Variants in TRAPPC9 observed in about 807,000 individuals in gnomAD.
The protein encoded by TRAPPC9 is IKK2 binding protein.
A neutral mutation model predicts 124.0 loss-of-function variants in TRAPPC9; 83 were observed. That is an observed-to-expected ratio of 0.67 (90% CI 0.56 to 0.80). The LOEUF is 0.80. Among genes scored for constraint, TRAPPC9 ranks in the 30% least tolerant of loss-of-function variants. TRAPPC9 has a pLI of 0.00. For synonymous variants in TRAPPC9, 638 were observed against 617.5 expected, an observed-to-expected ratio of 1.03 and a Z score of -0.49; for missense variants, 1,302 against 1,508.3, an observed-to-expected ratio of 0.86 and a Z score of 2.27.
At chr8:140,203,412 C>G (rs2062840571) in intron 17 of TRAPPC9, among the ~76,000 whole-genome samples, 1 of 152,164 alleles carries the variant, frequency 6.6e-6, no homozygotes, top group African/African-American at 2.4e-5. Context: ...GCTGATAGTG[C>G]TTCTGTAATG....
intron 17 of TRAPPC9, among the ~76,000 whole-genome samples, chr8:140,155,033 C>A (rs1481003964): frequency 6.6e-6 from 1 of 152,144 alleles, no homozygotes; most frequent in East Asian, 1.9e-4. Flanking sequence ...TTCACCCGGA[C>A]AGGCTTCTTA....
intron 21 of TRAPPC9, among the ~76,000 whole-genome samples, chr8:139,794,735 C>T (rs1177261743): frequency 1.3e-5 from 2 of 152,184 alleles, no homozygotes; most frequent in Non-Finnish European, 2.9e-5. Context: ...CTATGCTGGT[C>T]CCTGCCATCC....
intron 18 of TRAPPC9, among the ~76,000 whole-genome samples, chr8:140,013,771 T>C (rs564957433): frequency 6.6e-6 from 1 of 152,238 alleles, no homozygotes; most frequent in African/African-American, 2.4e-5. Context: ...CTGCCTTGTG[T>C]CAGGCACTGT....
At chr8:139,765,926 T>C (rs1340194394) in intron 21 of TRAPPC9, among the ~76,000 whole-genome samples, 1 of 152,098 alleles carries the variant, frequency 6.6e-6, no homozygotes, top group Non-Finnish European at 1.5e-5. Context: ...GGTAGGCTTC[T>C]CCCCCATCTG....
chr8:139,757,271 T>C (rs780007827), intron 21 of TRAPPC9, among the ~76,000 whole-genome samples: 1,473 of 76,798 alleles, frequency 0.019, 13 homozygotes, highest in Admixed American at 0.027. Flanking sequence ...GACAGCAGGT[T>C]GCAGGAGGAG....
chr8:140,089,588 AGCAGGCAGAGG>A (rs1267285714), intron 17 of TRAPPC9, among the ~76,000 whole-genome samples: 1 of 152,180 alleles, frequency 6.6e-6, no homozygotes, highest in East Asian at 1.9e-4. Flanking sequence ...ATTTTGGAAT[AGCAGGCAGAGG>A]GCCATGGAGC....
At chr8:140,042,200 A>AGTGTGTGT (rs1375063495) in intron 17 of TRAPPC9, among the ~76,000 whole-genome samples, 27 of 90,932 alleles carry the variant, frequency 3.0e-4, no homozygotes, top group African/African-American at 1.2e-3. Context: ...AGCCCAAAAA[A>AGTGTGTGT]GTGTATGTGT....
At chr8:139,783,094 C>T (rs551929754) in intron 21 of TRAPPC9, among the ~76,000 whole-genome samples, 39 of 152,052 alleles carry the variant, frequency 2.6e-4, no homozygotes, top group Non-Finnish European at 1.5e-5. Flanking sequence ...TAGAAAAAAA[C>T]TCAAATTTAT....
intron 21 of TRAPPC9, among the ~76,000 whole-genome samples, chr8:139,883,682 G>C (rs1829820936): frequency 6.6e-6 from 1 of 152,256 alleles, no homozygotes; most frequent in South Asian, 2.1e-4. Context: ...TGATCATTAA[G>C]GACTAAAGCT....
chr8:139,862,488 T>C (rs1008291110), intron 21 of TRAPPC9, among the ~76,000 whole-genome samples: 2 of 152,216 alleles, frequency 1.3e-5, no homozygotes, highest in Non-Finnish European at 2.9e-5. Flanking sequence ...GGGGCTGTCT[T>C]TGAAGTTGCC....
At chr8:140,430,595 G>C (rs1309811791) in intron 4 of TRAPPC9, among the ~76,000 whole-genome samples, 1 of 152,220 alleles carries the variant, frequency 6.6e-6, no homozygotes, top group Non-Finnish European at 1.5e-5. Flanking sequence ...ACAGTAGTAG[G>C]ATGCCCATTT....
At chr8:140,264,988 C>A (rs1468634741) in intron 15 of TRAPPC9, among the ~76,000 whole-genome samples, 1 of 152,188 alleles carries the variant, frequency 6.6e-6, no homozygotes. Context: ...TAAAGCTAAA[C>A]AATACGAGAC....
chr8:139,883,534 G>A (rs930747691), intron 21 of TRAPPC9, among the ~76,000 whole-genome samples: 1 of 152,204 alleles, frequency 6.6e-6, no homozygotes, highest in Admixed American at 6.5e-5. Context: ...GCTGAGAGGC[G>A]TCCTGGGGCC....
intron 3 of TRAPPC9, among the ~76,000 whole-genome samples, chr8:140,436,696 AC>A (rs1047504400): frequency 3.9e-5 from 6 of 152,158 alleles, no homozygotes; most frequent in Admixed American, 6.5e-5. Flanking sequence ...TATGGGCAGT[AC>A]CAGTCTTTCT....
At chr8:139,898,841 C>T (rs575123687) in intron 20 of TRAPPC9, among the ~76,000 whole-genome samples, 11 of 152,036 alleles carry the variant, frequency 7.2e-5, no homozygotes, top group Non-Finnish European at 7.4e-5. Flanking sequence ...AGAAACAGGC[C>T]GGGTGCAGTG....
intron 17 of TRAPPC9, among the ~76,000 whole-genome samples, chr8:140,166,473 G>C (rs1441424875): frequency 6.6e-6 from 1 of 152,218 alleles, no homozygotes; most frequent in Non-Finnish European, 1.5e-5. Flanking sequence ...AGCTCCCACA[G>C]GGAGTCAGGA....
chr8:139,789,888 T>TTGAAGGCGGTGCTCTGA, intron 21 of TRAPPC9, among the ~76,000 whole-genome samples: 1 of 152,180 alleles, frequency 6.6e-6, no homozygotes, highest in East Asian at 1.9e-4. Context: ...AGTGCAGCAT[T>TTGAAGGCGGTGCTCTGA]TGAAGGCGGT....
chr8:140,325,494 A>G (rs2066712298), intron 9 of TRAPPC9, among the ~76,000 whole-genome samples: 1 of 152,240 alleles, frequency 6.6e-6, no homozygotes, highest in Admixed American at 6.5e-5. Flanking sequence ...GGAACAGTAT[A>G]AACAACCATA....
intron 19 of TRAPPC9, among the ~76,000 whole-genome samples, chr8:139,923,272 T>C (rs1563924644): frequency 6.6e-6 from 1 of 152,214 alleles, no homozygotes; most frequent in Non-Finnish European, 1.5e-5. Context: ...AATCTTTCCA[T>C]GTTAAGATGC....
Sources: gnomAD v4.1 joint callset for allele counts (sites outside exome capture counted in the v4.1 genomes callset) on GRCh38, gnomAD v4.1.1 for gene constraint, MANE v1.5 for transcripts, NCBI Gene and HGNC (gene_info 2026-07-23, HGNC 2026-07-21) for gene names.